The following SGIP1 variants were observed in gnomAD, a reference collection of about 807,000 sequenced individuals.
The protein encoded by SGIP1 is SH3GL interacting endocytic adaptor 1.
SGIP1 carries 38 observed loss-of-function variants against 107.5 expected under a neutral mutation model. The ratio of observed to expected loss-of-function variants is 0.35; its 90% CI spans 0.27 to 0.46. SGIP1 has a LOEUF of 0.46. Ranked by LOEUF, SGIP1 falls within the 20% of genes least tolerant of loss-of-function variation. SGIP1 has a pLI of 1.00. For synonymous variants in SGIP1, 365 were observed against 366.1 expected (o/e 1.00, Z 0.03); for missense variants, 929 against 1,019.5 (o/e 0.91, Z 1.21).
intron 1 of SGIP1, among the ~76,000 whole-genome samples, chr1:66,559,004 G>A (rs1318364415): frequency 1.3e-5 from 2 of 151,934 alleles, no homozygotes; most frequent in African/African-American, 4.8e-5. Flanking sequence ...TTTCATCTGG[G>A]GATGAGGGAA....
intron 13 of SGIP1, 55 bp downstream of exon 13, chr1:66,677,151 T>C: frequency 7.1e-7 from 1 of 1,401,880 alleles, no homozygotes; most frequent in Non-Finnish European, 1.0e-6. Flanking sequence ...TTAGTGTCTG[T>C]CTGCATAGTG....
At chr1:66,610,371 C>A (rs11208921) in intron 1 of SGIP1, among the ~76,000 whole-genome samples, 1 of 152,050 alleles carries the variant, frequency 6.6e-6, no homozygotes, top group Non-Finnish European at 1.5e-5. Flanking sequence ...GCATACCAAA[C>A]TGAAGTAAAG....
At chr1:66,551,060 T>C (rs762851628) in intron 1 of SGIP1, among the ~76,000 whole-genome samples, 10 of 152,052 alleles carry the variant, frequency 6.6e-5, no homozygotes, top group Non-Finnish European at 2.9e-5. Flanking sequence ...TCCTATTACA[T>C]AGATGAGAAA....
chr1:66,564,617 G>A (rs1347088367), intron 1 of SGIP1, among the ~76,000 whole-genome samples: 3 of 151,888 alleles, frequency 2.0e-5, no homozygotes, highest in Non-Finnish European at 4.4e-5. Context: ...AAGATGCCCT[G>A]CAGTCGTGAG....
At chr1:66,566,597 C>T (rs1049829342) in intron 1 of SGIP1, among the ~76,000 whole-genome samples, 3 of 151,842 alleles carry the variant, frequency 2.0e-5, no homozygotes, top group African/African-American at 7.3e-5. Context: ...TTTCATCTGT[C>T]ATGTGGGGAT....
chr1:66,722,762 A>G lies in SGIP1; in HGVS notation c.1742+3357A>G, dbSNP rs1283193567. ...CAGCCTGTCCCATCGGCCTGTCACA[A>G]TATAAGCCAGGGTTTTCATCCTGGT... On this transcript the variant is annotated intron_variant, in intron 19 of 24. Coordinates refer to ENST00000371037, the MANE Select transcript of SGIP1 (RefSeq NM_032291.4). Among the ~76,000 whole-genome samples, 5 of 152,272 alleles carry G rather than the reference A, an allele frequency of 3.3e-5. 1 individual carries two copies. The highest frequency in any genetic ancestry group is 1.5e-5 in the Non-Finnish European group (1 of 68,016).
At chr1:66,534,783 A>G (rs1369365207) in intron 1 of SGIP1, among the ~76,000 whole-genome samples, 1 of 152,264 alleles carries the variant, frequency 6.6e-6, no homozygotes, top group Non-Finnish European at 1.5e-5. Context: ...TAACAGAGTT[A>G]TCCATACAGA....
At chr1:66,702,827 G>T (rs1309934436) in intron 18 of SGIP1, among the ~76,000 whole-genome samples, 1 of 152,166 alleles carries the variant, frequency 6.6e-6, no homozygotes, top group African/African-American at 2.4e-5. Context: ...GGCAACATTT[G>T]CTTTGCTCAA....
At chr1:66,579,701 T>A (rs1331729407) in intron 1 of SGIP1, among the ~76,000 whole-genome samples, 2 of 152,200 alleles carry the variant, frequency 1.3e-5, no homozygotes, top group African/African-American at 4.8e-5. Context: ...TAATCTTTGT[T>A]CATGCTTCTT....
At chr1:66,612,831 A>G (rs2068317319) in intron 1 of SGIP1, among the ~76,000 whole-genome samples, 1 of 152,256 alleles carries the variant, frequency 6.6e-6, no homozygotes, top group Non-Finnish European at 1.5e-5. Flanking sequence ...AAATTAGTTT[A>G]AATCCCAATT....
rs71242802 is a variant in SGIP1 at position 66,675,541 on chromosome 1, C to CTTTTTTTT, written c.647-1452_647-1445dup. Among the ~76,000 whole-genome samples, 25 of 112,374 alleles carry CTTTTTTTT rather than the reference C, an allele frequency of 2.2e-4. 2 individuals are homozygous for CTTTTTTTT. The highest frequency in any genetic ancestry group is 5.2e-4 in the Admixed American group (5 of 9,524). 73.7% of individuals were successfully genotyped at this position (112,374 alleles called of 152,430 possible). On this transcript the variant is annotated intron_variant, in intron 12 of 24. Coordinates refer to ENST00000371037, the MANE Select transcript of SGIP1 (RefSeq NM_032291.4). The stretch of plus-strand genomic sequence containing the variant: ...GTTGTTTTTCTTTTTCTTTTTCTTT[C>CTTTTTTTT]TTTTTTTTTTTTTTTTTTGACAGAA...
intron 1 of SGIP1, among the ~76,000 whole-genome samples, chr1:66,579,309 T>C (rs1422422231): frequency 6.6e-6 from 1 of 152,170 alleles, no homozygotes. Flanking sequence ...TGTTAGTGTC[T>C]GTAGAGACCC....
At chr1:66,574,077 A>G (rs942359269) in intron 1 of SGIP1, among the ~76,000 whole-genome samples, 1 of 152,084 alleles carries the variant, frequency 6.6e-6, no homozygotes, top group Non-Finnish European at 1.5e-5. Context: ...TAACAATCCA[A>G]TGCAGGTATT....
chr1:66,682,312 A>G lies in SGIP1; in HGVS notation c.1258A>G (p.Arg420Gly). Residue 420 changes from arginine to glycine, a missense_variant, in exon 15 of 25, where the codon AGG becomes GGG. Coordinates refer to ENST00000371037, the MANE Select transcript of SGIP1 (RefSeq NM_032291.4). ...ACCTCCCCCACCACCACCCACCTAC[A>G]GGACTGTGGTTTCGTCCCCCGGACC... Reference protein sequence around the residue: ...TPPPPPPPTYRTVVSSPGPGS... With the variant: ...TPPPPPPPTYGTVVSSPGPGS... The G allele has an allele frequency of 6.2e-7, 1 of 1,614,172 alleles. No individual in the cohort carries two copies. Among genetic ancestry groups the G allele is most frequent in the Non-Finnish European group, 8.5e-7 (1 of 1,180,016 alleles).
intron 17 of SGIP1, 179 bp from the exon 18 acceptor site, chr1:66,695,255 T>TAAAAAAAAAAAA (rs570067011): frequency 0.018 from 16,581 of 939,798 alleles, 298 homozygotes; most frequent in East Asian, 0.082. Context: ...TTTCCTGAAC[T>TAAAAAAAAAAAA]AAAAAAAAAA....
At chr1:66,593,872 G>A (rs1052320514) in intron 1 of SGIP1, among the ~76,000 whole-genome samples, 1 of 152,074 alleles carries the variant, frequency 6.6e-6, no homozygotes, top group Non-Finnish European at 1.5e-5. Context: ...TATATTTCCT[G>A]TTTTTCTAAA....
chr1:66,695,311 G>T, intron 17 of SGIP1, 123 bp from the exon 18 acceptor site: 2 of 1,536,576 alleles, frequency 1.3e-6, no homozygotes, highest in East Asian at 2.5e-5. Flanking sequence ...GCACGCTAAT[G>T]GCATGTAGTG....
chr1:66,685,403 A>G (rs1201006056), intron 15 of SGIP1, among the ~76,000 whole-genome samples: 1 of 152,248 alleles, frequency 6.6e-6, no homozygotes, highest in Non-Finnish European at 1.5e-5. Flanking sequence ...TGGCCAGAAC[A>G]GTACTTTACT....
At chr1:66,556,550 A>AG (rs930499226) in intron 1 of SGIP1, among the ~76,000 whole-genome samples, 14 of 152,084 alleles carry the variant, frequency 9.2e-5, no homozygotes, top group Non-Finnish European at 1.8e-4. Flanking sequence ...ATGGAGCTGG[A>AG]GGAGGGCAGG....
Sources: allele counts gnomAD v4.1 joint callset (sites outside exome capture counted in the v4.1 genomes callset), GRCh38; gene constraint gnomAD v4.1.1; transcripts MANE v1.5; gene names NCBI Gene and HGNC (gene_info 2026-07-23, HGNC 2026-07-21).